The following TLE4 variants were observed in gnomAD, a reference collection of about 807,000 sequenced individuals.
TLE4 encodes the protein TLE family member 4, transcriptional corepressor.
A neutral mutation model predicts 92.8 loss-of-function variants in TLE4; 8 were observed. The ratio of observed to expected loss-of-function variants is 0.09; its 90% CI spans 0.05 to 0.16. The LOEUF (loss-of-function observed/expected upper bound fraction) is 0.16. Ranked by LOEUF, TLE4 falls within the 10% of genes least tolerant of loss-of-function variation. The pLI is 1.00. For synonymous variants in TLE4, 371 were observed against 374.1 expected (o/e 0.99, Z 0.10); for missense variants, 675 against 997.6 (o/e 0.68, Z 4.36).
chr9:79,679,386 T>C (rs2063958180), intron 8 of TLE4, among the ~76,000 whole-genome samples: 1 of 152,198 alleles, frequency 6.6e-6, no homozygotes, highest in Admixed American at 6.5e-5. Context: ...ATGAGCATTT[T>C]TTCATGTGTT....
intron 8 of TLE4, among the ~76,000 whole-genome samples, chr9:79,660,372 G>A (rs950377514): frequency 1.3e-5 from 2 of 152,176 alleles, no homozygotes; most frequent in Non-Finnish European, 2.9e-5. Context: ...AATAAAGTTG[G>A]CCATACCATT....
In TLE4 at chr9:79,652,574, G is replaced by A. The variant is rs772856032; in HGVS notation, c.391-19G>A. The A allele has an allele frequency of 1.2e-6, 2 of 1,613,728 alleles. No homozygotes were observed. Among genetic ancestry groups the A allele is most frequent in the South Asian group, 2.2e-5 (2 of 91,062 alleles). ...ATATGGGGGCAAATTCAATATCTGT[G>A]TTTAATTTTTCACAGCAGCAACAAC... On this transcript the variant is annotated intron_variant, in intron 6 of 19. Transcript: ENST00000376552.
At chr9:79,642,323 A>G (rs913716665) in intron 6 of TLE4, among the ~76,000 whole-genome samples, 2 of 152,042 alleles carry the variant, frequency 1.3e-5, no homozygotes, top group African/African-American at 4.8e-5. Flanking sequence ...AGGTATAATC[A>G]TAGGGCACCA....
rs111353247 is a variant in TLE4 at position 79,589,430 on chromosome 9, G to A, written c.252+13253G>A. Among the ~76,000 whole-genome samples the A allele has an allele frequency of 8.3e-3, 1,257 of 151,986 alleles. 18 individuals are homozygous for A. Among genetic ancestry groups the A allele is most frequent in the African/African-American group, 0.028 (1,160 of 41,416 alleles). On this transcript the variant is annotated intron_variant, in intron 4 of 19. Coordinates refer to ENST00000376552, the MANE Select transcript of TLE4 (RefSeq NM_007005.6). ...TCTTCCTTTTCCTAAAGAAGGGACC[G>A]TGATAAACCTTCTCGGTGGGAGGGA...
At position 79,572,805 on chromosome 9, in the gene TLE4, G is replaced by C. The variant is rs752009228; in HGVS notation, c.15G>C (p.Leu5=). The change falls in exon 1 of 20, where the codon CTG becomes CTC. Residue 5 remains leucine, a synonymous_variant. Coordinates refer to ENST00000376552, the MANE Select transcript of TLE4 (RefSeq NM_007005.6). MIRD[L]SKMYPQTRHP... is the part of the protein sequence containing the mutation. ...AATCGGCTTGGATGATTCGCGACCT[G>C]AGCAAGATGTACCCGCAGACCAGAC... The C allele has an allele frequency of 1.9e-6, 3 of 1,600,996 alleles. No individual in the cohort carries two copies. The highest frequency in any genetic ancestry group is 2.7e-5 in the African/African-American group (2 of 73,354).
At chr9:79,633,696 G>A (rs577450202) in intron 6 of TLE4, among the ~76,000 whole-genome samples, 1 of 152,128 alleles carries the variant, frequency 6.6e-6, no homozygotes, top group Admixed American at 6.5e-5. Flanking sequence ...AGGTTGTTTT[G>A]TTTTGGTTTT....
chr9:79,649,006 C>T (rs767267676), intron 6 of TLE4, among the ~76,000 whole-genome samples: 13 of 152,070 alleles, frequency 8.5e-5, no homozygotes, highest in African/African-American at 2.2e-4. Flanking sequence ...GGCTGGCCAT[C>T]GTGATGATTT....
Position 79,616,458 on chromosome 9 carries a change from G to A in TLE4, c.315+3740G>A, listed in dbSNP as rs1400734512. ...GATTAACTACAGTAGCAGCAGTGGAGCTCTGTCTCCTCTTGGGAGGAGCTA... is the reference window on the plus strand; with the variant it reads ...GATTAACTACAGTAGCAGCAGTGGAACTCTGTCTCCTCTTGGGAGGAGCTA... On this transcript the variant is annotated intron_variant, in intron 5 of 19. Transcript: ENST00000376552. Among the ~76,000 whole-genome samples, 5 of 152,150 alleles carry A rather than the reference G, an allele frequency of 3.3e-5. No individual in the cohort carries two copies. In the East Asian group the frequency reaches 7.7e-4, roughly 23 times the overall value.
chr9:79,672,465 T>C (rs2062572906), intron 8 of TLE4, among the ~76,000 whole-genome samples: 1 of 152,160 alleles, frequency 6.6e-6, no homozygotes, highest in Non-Finnish European at 1.5e-5. Context: ...TTTCTACATG[T>C]TTTCTACCTC....
chr9:79,597,045 T>G (rs1022178314), intron 4 of TLE4, among the ~76,000 whole-genome samples: 4 of 152,178 alleles, frequency 2.6e-5, no homozygotes, highest in Non-Finnish European at 5.9e-5. Flanking sequence ...CCTATTTTAA[T>G]GAATGGTAGG....
intron 6 of TLE4, among the ~76,000 whole-genome samples, chr9:79,633,830 G>A (rs1326781012): frequency 6.6e-6 from 1 of 152,128 alleles, no homozygotes; most frequent in Non-Finnish European, 1.5e-5. Context: ...ACCCCTCGAA[G>A]CTGAGAGGGA....
chr9:79,709,398 A>G (rs1009594580), intron 13 of TLE4, among the ~76,000 whole-genome samples: 6 of 152,336 alleles, frequency 3.9e-5, no homozygotes, highest in South Asian at 2.1e-4. Flanking sequence ...ATGAGCTTCA[A>G]TAATCATTAG....
intron 8 of TLE4, among the ~76,000 whole-genome samples, chr9:79,699,092 G>A (rs966529116): frequency 6.6e-6 from 1 of 152,112 alleles, no homozygotes; most frequent in Non-Finnish European, 1.5e-5. Context: ...CTTACTCAAA[G>A]TAGTTCCAAA....
rs183655110 is a variant in TLE4, at chr9:79,671,147, G to C, written c.609+17072G>C. ...CCTAGCACATATTTAATTCCATTGG[G>C]GATTTTGTGTTTAGGGATAGTTCAA... On this transcript the variant is annotated intron_variant, in intron 8 of 19. Transcript: ENST00000376552. 5.4e-3 allele frequency: 2,247 copies of C among 415,550 alleles called. 15 individuals are homozygous for C. Among genetic ancestry groups the C allele is most frequent in the Middle Eastern group, 0.011 (29 of 2,712 alleles). The allele number at this position is 415,550 out of a possible 1,614,324, so 25.7% of individuals were successfully genotyped here.
chr9:79,714,526 T>C lies in TLE4; in HGVS notation c.1341-4196T>C, dbSNP rs535635410. On this transcript the variant is annotated intron_variant, in intron 14 of 19. Coordinates refer to ENST00000376552, the MANE Select transcript of TLE4 (RefSeq NM_007005.6). ...GCTATTCTTGCTATCTGGAATATTTTTTCCATCTTTCTCTTTACTCGATGG... is the reference window on the plus strand; with the variant it reads ...GCTATTCTTGCTATCTGGAATATTTCTTCCATCTTTCTCTTTACTCGATGG... 3.7e-4 allele frequency among the ~76,000 whole-genome samples: 56 copies of C among 152,356 alleles called. No individual in the cohort carries two copies. The South Asian group carries it at 3.9e-3, about 11-fold the overall frequency.
At chr9:79,652,526 G>C (rs1417137018) in intron 6 of TLE4, 67 bp from the exon 7 acceptor site, 1 of 1,575,244 alleles carries the variant, frequency 6.3e-7, no homozygotes, top group South Asian at 1.1e-5. Context: ...CCTCCTTTCT[G>C]TTTCTCTTGG....
chr9:79,643,018 T>C (rs1489573866), intron 6 of TLE4, among the ~76,000 whole-genome samples: 1 of 152,176 alleles, frequency 6.6e-6, no homozygotes, highest in Non-Finnish European at 1.5e-5. Flanking sequence ...GTTTCTTCCT[T>C]TGTTCTCTTT....
intron 14 of TLE4, among the ~76,000 whole-genome samples, chr9:79,713,439 C>T (rs958849017): frequency 3.3e-5 from 5 of 152,194 alleles, no homozygotes; most frequent in Admixed American, 1.3e-4. Flanking sequence ...CCACTCTGCT[C>T]GTAGCAGCTT....
intron 4 of TLE4, among the ~76,000 whole-genome samples, chr9:79,602,981 G>C (rs1029101999): frequency 4.6e-5 from 7 of 152,058 alleles, no homozygotes; most frequent in Admixed American, 2.0e-4. Context: ...CCTTTGGAGG[G>C]GTTCAAGACC....
Sources: gnomAD v4.1 joint callset for allele counts (sites outside exome capture counted in the v4.1 genomes callset) on GRCh38, gnomAD v4.1.1 for gene constraint, MANE v1.5 for transcripts, NCBI Gene and HGNC (gene_info 2026-07-23, HGNC 2026-07-21) for gene names.